Variants in NAT10 observed in about 807,000 individuals in gnomAD.
NAT10 encodes N-acetyltransferase 10.
In NAT10, 109 loss-of-function variants were observed where a neutral mutation model predicts 132.2. The observed-to-expected ratio is 0.82, with a 90% confidence interval of 0.71 to 0.97. The LOEUF (loss-of-function observed/expected upper bound fraction) is 0.97, where lower values mean the gene tolerates loss of function less well. Ranked by LOEUF, NAT10 falls within the 50% of genes least tolerant of loss-of-function variation. The pLI, the probability that NAT10 is intolerant of heterozygous loss-of-function variation, is 0.00. For synonymous variants in NAT10, 479 were observed against 478.0 expected (o/e 1.00, Z -0.03); for missense variants, 1,184 against 1,263.4 (o/e 0.94, Z 0.95).
At position 34,112,154 on chromosome 11, in the gene NAT10, C is replaced by T. The variant is rs372523540; in HGVS notation, c.303C>T (p.Asn101=). The T allele has an allele frequency of 3.7e-6, 6 of 1,614,128 alleles. No homozygotes were observed. The highest frequency in any genetic ancestry group is 3.3e-5 in the Admixed American group (2 of 60,014). Residue 101 remains asparagine, a synonymous_variant, in exon 4 of 29, where the codon AAC becomes AAT. Transcript: ENST00000257829. ...DPFELFIAAT[N]IRYCYYNETH... is the part of the protein sequence containing the mutation. The stretch of plus-strand genomic sequence containing the variant: ...TTGAACTCTTCATAGCAGCCACAAA[C>T]ATTCGCTACTGCTACTACAACGAGA...
chr11:34,141,828 G>A lies in NAT10; in HGVS notation c.2811+11G>A. 6.2e-7 allele frequency: 1 copy of A among 1,610,308 alleles called. No homozygotes were observed. The highest frequency in any genetic ancestry group is 8.5e-7 in the Non-Finnish European group (1 of 1,177,394). On this transcript the variant is annotated intron_variant, in intron 26 of 28. Transcript: ENST00000257829. ...CTCAGTGACGACCTAGTATGTCCCT[G>A]CTCATGGCCTCGGGAGTCCCAGCAT...
At chr11:34,131,660 C>T in intron 14 of NAT10, 129 bp downstream of exon 14, 5 of 921,010 alleles carry the variant, frequency 5.4e-6, no homozygotes, top group Non-Finnish European at 7.5e-6. Context: ...TTTTCAATTT[C>T]CTTTTTCTCT....
chr11:34,110,817 A>G (rs183449536), intron 3 of NAT10, among the ~76,000 whole-genome samples: 63 of 152,256 alleles, frequency 4.1e-4, no homozygotes, highest in Non-Finnish European at 7.2e-4. Context: ...CCAGACAATC[A>G]TAAGAGCCTT....
chr11:34,123,075 T>TATG (rs1380739393), intron 9 of NAT10, among the ~76,000 whole-genome samples: 1 of 152,190 alleles, frequency 6.6e-6, no homozygotes, highest in Non-Finnish European at 1.5e-5. Flanking sequence ...GCCAATAGAG[T>TATG]ATGTTCTTCC....
In NAT10 at chr11:34,139,278, T is replaced by A; in HGVS notation, c.2299T>A (p.Phe767Ile). ...TGACCAGGGAGGCTGGCTTGCAGCC[T>A]TCTGGAAAGGTGACTGAGGAGTAGG... ...EADQGGWLAAFWKDFRRRFLA... is the reference protein window; with the variant it reads ...EADQGGWLAAIWKDFRRRFLA... Residue 767 changes from phenylalanine to isoleucine, a missense_variant, in exon 22 of 29, where the codon TTC (phenylalanine) becomes ATC (isoleucine). Phe to Ile is a conservative substitution (Grantham distance 21, BLOSUM62 0). Transcript: ENST00000257829. 1 of 1,614,094 alleles carries A rather than the reference T, an allele frequency of 6.2e-7. No homozygotes were observed. The highest frequency in any genetic ancestry group is 8.5e-7 in the Non-Finnish European group (1 of 1,179,976).
chr11:34,135,626 A>G (rs1226383538), intron 19 of NAT10, among the ~76,000 whole-genome samples: 1 of 152,194 alleles, frequency 6.6e-6, no homozygotes, highest in Non-Finnish European at 1.5e-5. Context: ...CTTTCATCCT[A>G]CACCAGACTA....
In NAT10 at chr11:34,135,223, G is replaced by A. The variant is rs1023077723; in HGVS notation, c.1960G>A (p.Gly654Ser). The change falls in exon 19 of 29, where the codon GGC becomes AGC. Residue 654 changes from glycine (G) to serine (S), a missense_variant. Transcript: ENST00000257829. ...GCAGCTGCTGCAGATGTACTATGAA[G>A]GCAGGTTTCCTTGTCTGGAGGAAAA... ...ALQLLQMYYE[G>S]RFPCLEEKVL... 2 of 1,614,064 alleles carry A rather than the reference G, an allele frequency of 1.2e-6. No homozygotes were observed. Among genetic ancestry groups the A allele is most frequent in the Non-Finnish European group, 8.5e-7 (1 of 1,180,046 alleles).
chr11:34,120,111 CTGT>C (rs1239392099), intron 8 of NAT10, among the ~76,000 whole-genome samples: 2 of 123,116 alleles, frequency 1.6e-5, no homozygotes, highest in African/African-American at 6.2e-5. Context: ...TATTGGTCAT[CTGT>C]TGTTTTGTTG....
rs76299353 is a variant in NAT10 at position 34,133,463 on chromosome 11, A to G, written c.1734+321A>G. Among the ~76,000 whole-genome samples, 709 of 152,342 alleles carry G rather than the reference A, an allele frequency of 4.7e-3. 4 individuals are homozygous for G. Among genetic ancestry groups the G allele is most frequent in the African/African-American group, 0.016 (662 of 41,582 alleles). On this transcript the variant is annotated intron_variant, in intron 16 of 28. Transcript: ENST00000257829. Reference sequence around the variant, plus strand: ...AGCAATACATGGTGCATTTTGAATTAGAGGCTACAGATTGGGGAACAAATT... The same window carrying G: ...AGCAATACATGGTGCATTTTGAATTGGAGGCTACAGATTGGGGAACAAATT...
intron 15 of NAT10, among the ~76,000 whole-genome samples, chr11:34,132,500 C>T (rs543516176): frequency 9.2e-5 from 14 of 152,006 alleles, no homozygotes; most frequent in African/African-American, 3.1e-4. Context: ...AGTTGTGGCC[C>T]GGTGGTGCAG....
In NAT10 at chr11:34,139,486, G is replaced by C. The variant is rs1212307061; in HGVS notation, c.2410G>C (p.Ala804Pro). ...IIQNRNMGKP[A>P]QPALSREELE... is the part of the protein sequence containing the mutation. Reference sequence around the variant, plus strand: ...TCAGAACAGGAACATGGGGAAGCCAGCCCAGCCTGGTGAGCCGGGTGGGGA... The same window carrying C: ...TCAGAACAGGAACATGGGGAAGCCACCCCAGCCTGGTGAGCCGGGTGGGGA... The change falls in exon 23 of 29, where the codon GCC becomes CCC. Residue 804 changes from alanine to proline, a missense_variant. Transcript: ENST00000257829. 2 of 1,613,936 alleles carry C rather than the reference G, an allele frequency of 1.2e-6. No homozygotes were observed. Among genetic ancestry groups the C allele is most frequent in the African/African-American group, 1.3e-5 (1 of 75,024 alleles).
chr11:34,125,437 T>C (rs1163254038), intron 11 of NAT10, among the ~76,000 whole-genome samples: 1 of 152,228 alleles, frequency 6.6e-6, no homozygotes, highest in African/African-American at 2.4e-5. Flanking sequence ...AGTTCTTTTG[T>C]CTCCAGTGTG....
rs570192687 is a variant in NAT10 at position 34,141,699 on chromosome 11, C to T, written c.2713-20C>T. On this transcript the variant is annotated intron_variant, in intron 25 of 28. Transcript: ENST00000257829. Reference sequence around the variant, plus strand: ...TGCTGCTCCTTCATCTTCTGCTTCTCTGTTGGTTGTCTTTTGTAGCTATTT... The same window carrying T: ...TGCTGCTCCTTCATCTTCTGCTTCTTTGTTGGTTGTCTTTTGTAGCTATTT... The T allele has an allele frequency of 9.9e-6, 16 of 1,611,134 alleles. No individual in the cohort carries two copies. Among genetic ancestry groups the T allele is most frequent in the Middle Eastern group, 3.3e-4 (2 of 6,042 alleles).
chr11:34,123,093 CG>C (rs1851925401), intron 9 of NAT10, among the ~76,000 whole-genome samples: 1 of 152,208 alleles, frequency 6.6e-6, no homozygotes, highest in South Asian at 2.1e-4. Context: ...TCCAACTTCT[CG>C]GCCATAATAA....
Position 34,142,739 on chromosome 11 carries a change from C to T in NAT10, c.2885+391C>T, listed in dbSNP as rs572093134. Among the ~76,000 whole-genome samples the T allele has an allele frequency of 7.9e-5, 12 of 152,290 alleles. No homozygotes were observed. In the South Asian group the frequency reaches 2.5e-3, roughly 32 times the overall value. On this transcript the variant is annotated intron_variant, in intron 27 of 28. Transcript: ENST00000257829. ...TAAAACCAACCAAACAAGCAAAACA[C>T]CCCTTGCTCTAAAACCGTCTGGGAA...
chr11:34,130,257 A>G lies in NAT10; in HGVS notation c.1245-556A>G, dbSNP rs186347443. Among the ~76,000 whole-genome samples the G allele has an allele frequency of 6.7e-4, 102 of 152,282 alleles. 1 individual carries two copies. Among genetic ancestry groups the G allele is most frequent in the Non-Finnish European group, 8.8e-4 (60 of 68,008 alleles). ...TTTAATTTTTTTCTCAACATTTTTTAGCTATTTTATGTCACCTTATAAGTG... is the reference window on the plus strand; with the variant it reads ...TTTAATTTTTTTCTCAACATTTTTTGGCTATTTTATGTCACCTTATAAGTG... On this transcript the variant is annotated intron_variant, in intron 12 of 28. Coordinates refer to ENST00000257829, the MANE Select transcript of NAT10 (RefSeq NM_024662.3).
intron 9 of NAT10, 38 bp downstream of exon 9, chr11:34,122,630 G>T (rs112208767): frequency 6.2e-6 from 10 of 1,609,386 alleles, no homozygotes; most frequent in African/African-American, 4.0e-5. Context: ...GGAACTCTGG[G>T]CTCTGTGGGG....
At chr11:34,111,638 C>T (rs566508966) in intron 3 of NAT10, among the ~76,000 whole-genome samples, 3 of 152,262 alleles carry the variant, frequency 2.0e-5, no homozygotes, top group South Asian at 4.1e-4. Flanking sequence ...AATAAAGTAA[C>T]GTGCCATCAC....
intron 16 of NAT10, 121 bp downstream of exon 16, chr11:34,133,263 A>C (rs1852138442): frequency 2.5e-6 from 2 of 791,186 alleles, no homozygotes; most frequent in Middle Eastern, 2.4e-4. Context: ...TCTGGAACCA[A>C]GGGGCTGGGT....
Sources: gnomAD v4.1 joint callset for allele counts (sites outside exome capture counted in the v4.1 genomes callset) on GRCh38, gnomAD v4.1.1 for gene constraint, MANE v1.5 for transcripts, NCBI Gene and HGNC (gene_info 2026-07-23, HGNC 2026-07-21) for gene names.